The following IKZF1 variants were observed in gnomAD, a reference collection of about 807,000 sequenced individuals.
IKZF1 encodes IKAROS family zinc finger 1, also known as DNA-binding protein Ikaros.
A neutral mutation model predicts 51.7 loss-of-function variants in IKZF1; 10 were observed. The observed-to-expected ratio is 0.19, with a 90% CI of 0.12 to 0.33. The LOEUF (loss-of-function observed/expected upper bound fraction) is 0.33, where lower values mean the gene tolerates loss of function less well. Ranked by LOEUF, IKZF1 falls within the 10% of genes least tolerant of loss-of-function variation. IKZF1 has a pLI of 1.00. For missense variants in IKZF1, 484 were observed against 707.5 expected, an observed-to-expected ratio of 0.68 and a Z score of 3.58; for synonymous variants, 280 against 282.3, an observed-to-expected ratio of 0.99 and a Z score of 0.08.
rs776277744 is a variant in IKZF1, at chr7:50,400,106, A to G, written c.1039A>G (p.Met347Val). Residue 347 changes from methionine to valine, a missense_variant, in exon 8 of 8, where the codon ATG (methionine) becomes GTG (valine). Met to Val is a conservative substitution (Grantham distance 21). Around this residue, in one of 6 missense-constraint regions of IKZF1, gnomAD observed 172 missense variants for 192.7 expected, o/e 0.89. Transcript: ENST00000331340. This position sits in a 1 kb window ranked among gnomAD's most constrained non-coding sequence, Gnocchi z 5.4. ...GSEVVPVISP[M>V]YQLHKPLAEG... ...CGAGGTGGTCCCGGTCATCAGCCCG[A>G]TGTACCAGCTGCACAAGCCGCTCGC... is the stretch of plus-strand genomic sequence containing the variant. The G allele has an allele frequency of 5.8e-6, 9 of 1,562,782 alleles. No homozygotes were observed. In the Admixed American group the frequency reaches 1.5e-4, roughly 27 times the overall value.
At chr7:50,383,140 CT>C (rs949394908) in intron 5 of IKZF1, among the ~76,000 whole-genome samples, 1 of 152,124 alleles carries the variant, frequency 6.6e-6, no homozygotes, top group Non-Finnish European at 1.5e-5. Context: ...TAATGGATAG[CT>C]TTTTTGCAGA....
chr7:50,317,550 A>T (rs1791906738), intron 1 of IKZF1, among the ~76,000 whole-genome samples: 1 of 152,052 alleles, frequency 6.6e-6, no homozygotes, highest in Non-Finnish European at 1.5e-5. Flanking sequence ...GTGCTGGTGG[A>T]TGCTTACTCT....
chr7:50,402,882 G>T lies in IKZF1; in HGVS notation c.*2255G>T. 1 of 229,334 alleles carries T rather than the reference G, an allele frequency of 4.4e-6. No homozygotes were observed. The highest frequency in any genetic ancestry group is 8.7e-6 in the Non-Finnish European group (1 of 115,486). 14.2% of individuals were successfully genotyped at this position (229,334 alleles called of 1,614,324 possible). A position where few individuals can be genotyped will look rare whatever the true frequency, so the allele number is the denominator to read the frequency against. ...GCTTTAGACAGCACTCCTTCAATAT[G>T]CAATCACAGAGAAAGATGCGCCTTA... On this transcript the variant is annotated 3_prime_UTR_variant, in exon 8 of 8. Transcript: ENST00000331340.
Position 50,400,610 on chromosome 7 carries a change from C to G in IKZF1, c.1543C>G (p.Arg515Gly), listed in dbSNP as rs1270036178. 4 of 1,610,494 alleles carry G rather than the reference C, an allele frequency of 2.5e-6. No individual in the cohort carries two copies. The highest frequency in any genetic ancestry group is 3.4e-6 in the Non-Finnish European group (4 of 1,179,816). ...FSSHITRGEH[R>G]FHMS ...GTCGCACATAACGCGAGGGGAGCACCGCTTCCACATGAGCTAAAGCCCTCC... is the reference window on the plus strand; with the variant it reads ...GTCGCACATAACGCGAGGGGAGCACGGCTTCCACATGAGCTAAAGCCCTCC... Residue 515 changes from arginine (R) to glycine (G), a missense_variant, in exon 8 of 8, where the codon CGC (arginine) becomes GGC (glycine). By Grantham distance (125) the Arg-to-Gly change is moderately radical (BLOSUM62 -2). Around this residue, in one of 6 missense-constraint regions of IKZF1, gnomAD observed 42 missense variants for 84.4 expected, o/e 0.50. Transcript: ENST00000331340. This position sits in a 1 kb window ranked among gnomAD's most constrained non-coding sequence, Gnocchi z 5.4.
intron 5 of IKZF1, among the ~76,000 whole-genome samples, chr7:50,383,448 G>T (rs1003464237): frequency 6.6e-6 from 1 of 152,182 alleles, no homozygotes; most frequent in African/African-American, 2.4e-5. Flanking sequence ...ATGGTCCTGG[G>T]TGTTTCATTA....
intron 3 of IKZF1, among the ~76,000 whole-genome samples, chr7:50,348,402 A>G (rs1382216840): frequency 6.6e-6 from 1 of 152,244 alleles, no homozygotes; most frequent in Non-Finnish European, 1.5e-5. Context: ...CAGAATTCTC[A>G]CTTCTAAAAG....
intron 3 of IKZF1, among the ~76,000 whole-genome samples, chr7:50,372,556 T>C (rs1057080823): frequency 2.0e-5 from 3 of 152,260 alleles, no homozygotes; most frequent in Non-Finnish European, 2.9e-5. Context: ...CCCATTATTT[T>C]CAGTTCCTTG....
chr7:50,321,570 G>A (rs1381233508), intron 2 of IKZF1, among the ~76,000 whole-genome samples: 1 of 152,140 alleles, frequency 6.6e-6, no homozygotes, highest in Non-Finnish European at 1.5e-5. Context: ...CTTTCACTTT[G>A]GGTAGCTTCT....
rs1818210750 is a variant in IKZF1 at position 50,402,004 on chromosome 7, C to T, written c.*1377C>T. 1 of 229,172 alleles carries T rather than the reference C, an allele frequency of 4.4e-6. No homozygotes were observed. Among genetic ancestry groups the T allele is most frequent in the Non-Finnish European group, 8.7e-6 (1 of 115,496 alleles). 14.2% of individuals were successfully genotyped at this position (229,172 alleles called of 1,614,324 possible). A position where few individuals can be genotyped will look rare whatever the true frequency, so the allele number is the denominator to read the frequency against. Reference sequence around the variant, plus strand: ...GCCAGACCTTCGGAGAGTAATGCCACCAGATCCCCTAGGAAAGAGGAGGCA... The same window carrying T: ...GCCAGACCTTCGGAGAGTAATGCCATCAGATCCCCTAGGAAAGAGGAGGCA... On this transcript the variant is annotated 3_prime_UTR_variant, in exon 8 of 8. Coordinates refer to ENST00000331340, the MANE Select transcript of IKZF1 (RefSeq NM_006060.6).
At position 50,381,736 on chromosome 7, in the gene IKZF1, CT is replaced by C. The variant is rs1811903313; in HGVS notation, c.422-802del. Among the ~76,000 whole-genome samples the C allele has an allele frequency of 2.6e-5, 4 of 152,202 alleles. No individual in the cohort carries two copies. In the South Asian group the frequency reaches 8.3e-4, roughly 32 times the overall value. Reference sequence around the variant, plus strand: ...TTCTATGGATATAGACAAATAATAGCTTAAATGTTTTAGGATTTGTAAAGAA... The same window carrying C: ...TTCTATGGATATAGACAAATAATAGCTAAATGTTTTAGGATTTGTAAAGAA... On this transcript the variant is annotated intron_variant, in intron 4 of 7. Coordinates refer to ENST00000331340, the MANE Select transcript of IKZF1 (RefSeq NM_006060.6).
chr7:50,376,608 C>CGGAG lies in IKZF1; in HGVS notation c.238_241dup (p.Asp81GlyfsTer7). ...TGTGAAATGAATGGGGAAGAATGTG[C>CGGAG]GGAGGATTTACGAATGCTTGATGCC... On this transcript the variant is annotated frameshift_variant, in exon 4 of 8. Transcript: ENST00000331340. LOFTEE classifies it high-confidence loss of function. The surrounding 1 kb of genome is among the most constrained non-coding windows in gnomAD (Gnocchi z 4.5). The CGGAG allele has an allele frequency of 6.2e-7, 1 of 1,613,758 alleles. No individual in the cohort carries two copies. The highest frequency in any genetic ancestry group is 8.5e-7 in the Non-Finnish European group (1 of 1,179,864).
intron 1 of IKZF1, among the ~76,000 whole-genome samples, chr7:50,305,517 G>C (rs1476862878): frequency 1.3e-5 from 2 of 152,152 alleles, no homozygotes; most frequent in African/African-American, 4.8e-5. Context: ...AAGGAACCTC[G>C]TGAGGGCTTG....
At chr7:50,308,357 A>C (rs936106186) in intron 1 of IKZF1, among the ~76,000 whole-genome samples, 2 of 152,228 alleles carry the variant, frequency 1.3e-5, no homozygotes, top group African/African-American at 2.4e-5. Context: ...TTTGACTATA[A>C]TAAATAGGTA....
rs1817827393 is a variant in IKZF1 at position 50,400,326 on chromosome 7, C to T, written c.1259C>T (p.Pro420Leu). Residue 420 changes from proline to leucine, a missense_variant, in exon 8 of 8, where the codon CCG (proline) becomes CTG (leucine). By Grantham distance (98) the Pro-to-Leu change is moderately conservative. This residue lies in a region of IKZF1 where 72 missense variants were observed against 67.5 expected (regional missense o/e 1.07). Coordinates refer to ENST00000331340, the MANE Select transcript of IKZF1 (RefSeq NM_006060.6). The surrounding 1 kb of genome is among the most constrained non-coding windows in gnomAD (Gnocchi z 5.4). ...ATCTACCTGACCAACCACATCGCCC[C>T]GCACGCGCGCAACGGGCTGTCGCTC... ...GLIYLTNHIA[P>L]HARNGLSLKE... is the part of the protein sequence containing the mutation. The T allele has an allele frequency of 6.2e-7, 1 of 1,612,986 alleles. No homozygotes were observed. Among genetic ancestry groups the T allele is most frequent in the Non-Finnish European group, 8.5e-7 (1 of 1,179,708 alleles).
intron 6 of IKZF1, 57 bp from the exon 7 acceptor site, chr7:50,391,672 G>A (rs1408017438): frequency 5.6e-6 from 9 of 1,602,962 alleles, no homozygotes; most frequent in African/African-American, 2.7e-5. Context: ...CATTGGACGC[G>A]ACTGAACCCT....
chr7:50,396,267 C>T (rs947112711), intron 7 of IKZF1, among the ~76,000 whole-genome samples: 5 of 152,088 alleles, frequency 3.3e-5, no homozygotes, highest in Non-Finnish European at 7.4e-5. Context: ...TCTATTTTTA[C>T]ATTTACTCAC....
rs759348654 is a variant in IKZF1, at chr7:50,402,498, G to A, written c.*1871G>A. 3.5e-5 allele frequency: 8 copies of A among 231,696 alleles called. No homozygotes were observed. The highest frequency in any genetic ancestry group is 1.3e-3 in the Middle Eastern group (1 of 796). The allele number at this position is 231,696 out of a possible 1,614,324, so 14.4% of individuals were successfully genotyped here. Reference sequence around the variant, plus strand: ...CCCCTGCGAGGAGAAATCACTCCTGGGGGAGAACCACTGACCCAAATGAAT... The same window carrying A: ...CCCCTGCGAGGAGAAATCACTCCTGAGGGAGAACCACTGACCCAAATGAAT... On this transcript the variant is annotated 3_prime_UTR_variant, in exon 8 of 8. Coordinates refer to ENST00000331340, the MANE Select transcript of IKZF1 (RefSeq NM_006060.6).
In IKZF1 at chr7:50,376,714, C is replaced by T. The variant is rs185632810; in HGVS notation, c.342C>T (p.Asn114=). The change falls in exon 4 of 8, where the codon AAC becomes AAT. Residue 114 remains asparagine (N), a synonymous_variant. Coordinates refer to ENST00000331340, the MANE Select transcript of IKZF1 (RefSeq NM_006060.6). The surrounding 1 kb of genome is among the most constrained non-coding windows in gnomAD (Gnocchi z 4.5). ...GAGTTGGAGGCATTCGACTTCCTAACGGAAAACTAAAGTGTGATATCTGTG... is the reference window on the plus strand; with the variant it reads ...GAGTTGGAGGCATTCGACTTCCTAATGGAAAACTAAAGTGTGATATCTGTG... The part of the protein sequence containing the change: ...LSGVGGIRLP[N]GKLKCDICGI... The T allele has an allele frequency of 6.7e-5, 108 of 1,613,882 alleles. No individual in the cohort carries two copies. In the Admixed American group the frequency reaches 7.2e-4, roughly 11 times the overall value.
chr7:50,329,087 A>G (rs1056755867), intron 3 of IKZF1: 8 of 151,842 alleles, frequency 5.3e-5, no homozygotes, highest in South Asian at 2.1e-4. Flanking sequence ...AAAAAAAAAA[A>G]AAAGAAAAAG....
Sources: allele counts gnomAD v4.1 joint callset (sites outside exome capture counted in the v4.1 genomes callset), GRCh38; gene constraint gnomAD v4.1.1; regional missense constraint gnomAD v4.1.1; non-coding constraint Gnocchi (gnomAD v3.1); transcripts MANE v1.5; gene names NCBI Gene and HGNC (gene_info 2026-07-23, HGNC 2026-07-21).